The following ZBTB20 variants were observed in gnomAD, a reference collection of about 807,000 sequenced individuals.
The protein encoded by ZBTB20 is zinc finger and BTB domain containing 20.
ZBTB20 carries 9 observed loss-of-function variants against 56.9 expected under a neutral mutation model. The observed-to-expected ratio is 0.16, with a 90% CI of 0.10 to 0.28. ZBTB20 has a LOEUF of 0.28. Ranked by LOEUF, ZBTB20 falls within the 10% of genes least tolerant of loss-of-function variation. The probability of loss-of-function intolerance (pLI) is 1.00; values close to 1 mark genes in which losing one functional copy is unlikely to be tolerated. For missense variants in ZBTB20, 655 were observed against 1,003.0 expected, an observed-to-expected ratio of 0.65 and a Z score of 4.69; for synonymous variants, 417 against 420.7, an observed-to-expected ratio of 0.99 and a Z score of 0.11.
intron 7 of ZBTB20, among the ~76,000 whole-genome samples, chr3:114,441,565 C>T (rs1352297099): frequency 6.6e-6 from 1 of 152,096 alleles, no homozygotes; most frequent in Non-Finnish European, 1.5e-5. Context: ...CATCAAGCAC[C>T]TCATCTGCAG....
At chr3:114,799,318 T>C (rs927538288) in intron 5 of ZBTB20, among the ~76,000 whole-genome samples, 1 of 151,946 alleles carries the variant, frequency 6.6e-6, no homozygotes, top group African/African-American at 2.4e-5. Flanking sequence ...GACCATTTCA[T>C]AGGTGAAAAG....
At chr3:115,033,577 A>G (rs954979362) in intron 2 of ZBTB20, among the ~76,000 whole-genome samples, 3 of 151,720 alleles carry the variant, frequency 2.0e-5, no homozygotes, top group African/African-American at 7.2e-5. Context: ...GCACTCTTAT[A>G]TTTGTTGCAG....
chr3:115,119,007 A>C (rs1396308353), intron 1 of ZBTB20, among the ~76,000 whole-genome samples: 4 of 152,138 alleles, frequency 2.6e-5, no homozygotes, highest in South Asian at 2.1e-4. Flanking sequence ...AGTATAATTT[A>C]TTTCTTTGAA....
intron 4 of ZBTB20, among the ~76,000 whole-genome samples, chr3:114,859,514 C>T (rs541426468): frequency 1.0e-4 from 15 of 150,568 alleles, no homozygotes; most frequent in Admixed American, 2.0e-4. Context: ...TCAGAATCCA[C>T]ATGCTTTTAC....
chr3:115,036,862 C>A (rs554600188), intron 2 of ZBTB20, among the ~76,000 whole-genome samples: 1 of 152,094 alleles, frequency 6.6e-6, no homozygotes, highest in Admixed American at 6.6e-5. Flanking sequence ...CATAGGAACC[C>A]ATACAGAACT....
intron 6 of ZBTB20, among the ~76,000 whole-genome samples, chr3:114,544,465 CTTTCTTTCTTTCTTT>C (rs1559938293): frequency 1.3e-5 from 1 of 78,376 alleles, no homozygotes; most frequent in African/African-American, 5.2e-5. Context: ...TTCTTTCTTT[CTTTCTTTCTTTCTTT>C]TTCTTTCACT....
intron 5 of ZBTB20, among the ~76,000 whole-genome samples, chr3:114,765,466 T>C (rs1037017726): frequency 5.3e-5 from 8 of 152,060 alleles, no homozygotes; most frequent in East Asian, 3.9e-4. Flanking sequence ...ATTCCAACGA[T>C]TGCCATAAAC....
At chr3:114,395,781 C>A (rs1419214025) in intron 7 of ZBTB20, among the ~76,000 whole-genome samples, 1 of 152,096 alleles carries the variant, frequency 6.6e-6, no homozygotes, top group African/African-American at 2.4e-5. Flanking sequence ...GGCTTGAAGA[C>A]CCCTGGGATG....
intron 7 of ZBTB20, among the ~76,000 whole-genome samples, chr3:114,433,990 C>T (rs2090323106): frequency 6.6e-6 from 1 of 152,020 alleles, no homozygotes; most frequent in Admixed American, 6.6e-5. Flanking sequence ...CTGGGTCACC[C>T]CATAATTAAT....
rs1341140555 is a variant in ZBTB20, at chr3:114,320,465, A to C, written c.*18540T>G. The C allele has an allele frequency of 5.3e-5, 8 of 152,228 alleles. No individual in the cohort carries two copies. The highest frequency in any genetic ancestry group is 1.9e-4 in the African/African-American group (8 of 41,464). The allele number at this position is 152,228 out of a possible 1,614,324, so 9.4% of individuals were successfully genotyped here. On this transcript the variant is annotated 3_prime_UTR_variant, in exon 12 of 12. Transcript: ENST00000675478. Reference sequence around the variant, plus strand: ...TATATCAAAGAAAACAAATAGACAAACAAGAATTATAGAACATAAGTATGA... The same window carrying C: ...TATATCAAAGAAAACAAATAGACAACCAAGAATTATAGAACATAAGTATGA...
At chr3:115,044,327 C>A (rs960025226) in intron 2 of ZBTB20, among the ~76,000 whole-genome samples, 1 of 152,160 alleles carries the variant, frequency 6.6e-6, no homozygotes, top group Non-Finnish European at 1.5e-5. Flanking sequence ...CAAAACAAAA[C>A]TAAATCCATA....
intron 10 of ZBTB20, among the ~76,000 whole-genome samples, chr3:114,360,444 A>C (rs1303399973): frequency 6.6e-6 from 1 of 151,094 alleles, no homozygotes; most frequent in African/African-American, 2.4e-5. Flanking sequence ...TCCTGGGTTC[A>C]AGTGATTCTC....
At chr3:114,348,878 T>C (rs1490881769) in intron 11 of ZBTB20, among the ~76,000 whole-genome samples, 1 of 152,148 alleles carries the variant, frequency 6.6e-6, no homozygotes, top group Non-Finnish European at 1.5e-5. Flanking sequence ...ATGTAACTTT[T>C]CCCTGGTAAA....
At chr3:114,443,819 T>A (rs2091087304) in intron 7 of ZBTB20, among the ~76,000 whole-genome samples, 2 of 152,198 alleles carry the variant, frequency 1.3e-5, no homozygotes, top group Non-Finnish European at 2.9e-5. Context: ...TCTTATAGTA[T>A]CCTAGGAAGG....
intron 2 of ZBTB20, among the ~76,000 whole-genome samples, chr3:115,069,157 A>T (rs2082313343): frequency 6.6e-6 from 1 of 152,180 alleles, no homozygotes; most frequent in South Asian, 2.1e-4. Context: ...GGATTCATTA[A>T]TGAAAACTTA....
At chr3:114,607,192 C>G (rs1257057801) in intron 6 of ZBTB20, among the ~76,000 whole-genome samples, 2 of 151,938 alleles carry the variant, frequency 1.3e-5, no homozygotes, top group African/African-American at 4.8e-5. Context: ...GGTTATAATT[C>G]ACAATATGCA....
intron 7 of ZBTB20, among the ~76,000 whole-genome samples, chr3:114,421,849 G>C (rs1329597045): frequency 2.7e-5 from 4 of 149,794 alleles, no homozygotes; most frequent in Non-Finnish European, 5.9e-5. Flanking sequence ...GAGCCTTTCA[G>C]GGAAAATATT....
intron 7 of ZBTB20, among the ~76,000 whole-genome samples, chr3:114,459,047 G>T (rs979349304): frequency 6.6e-6 from 1 of 152,140 alleles, no homozygotes. Context: ...GAAAATAAGA[G>T]AATAAAGGGT....
At chr3:114,776,812 T>C (rs966072259) in intron 5 of ZBTB20, among the ~76,000 whole-genome samples, 7 of 152,196 alleles carry the variant, frequency 4.6e-5, no homozygotes, top group African/African-American at 9.6e-5. Context: ...AGGGCACTTA[T>C]AATCTACAGC....
Sources: gnomAD v4.1 joint callset for allele counts (sites outside exome capture counted in the v4.1 genomes callset) on GRCh38, gnomAD v4.1.1 for gene constraint, MANE v1.5 for transcripts, NCBI Gene and HGNC (gene_info 2026-07-23, HGNC 2026-07-21) for gene names.